UTRN: variants seen among roughly 807,000 people sequenced by gnomAD.
UTRN encodes utrophin.
A neutral mutation model predicts 463.9 loss-of-function variants in UTRN; 283 were observed. The ratio of observed to expected loss-of-function variants is 0.61; its 90% CI spans 0.55 to 0.67. The LOEUF (loss-of-function observed/expected upper bound fraction) is 0.67. UTRN is among the 30% of genes least tolerant of loss of function. The pLI, the probability that UTRN is intolerant of heterozygous loss-of-function variation, is 0.00. For missense variants in UTRN, 3,922 were observed against 4,084.3 expected (o/e 0.96, Z 1.08); for synonymous variants, 1,442 against 1,431.5 (o/e 1.01, Z -0.17).
intron 6 of UTRN, 82 bp downstream of exon 6, chr6:144,424,160 A>G: frequency 7.0e-7 from 1 of 1,420,436 alleles, no homozygotes; most frequent in Non-Finnish European, 9.9e-7. Flanking sequence ...GCCGTAACCA[A>G]GTACCACAAG....
intron 51 of UTRN, among the ~76,000 whole-genome samples, chr6:144,629,470 A>C (rs1467989361): frequency 2.6e-5 from 4 of 152,244 alleles, no homozygotes; most frequent in Admixed American, 2.0e-4. Context: ...AACAATCACT[A>C]TTCCAAGTTA....
At chr6:144,464,194 G>C (rs532348830) in intron 23 of UTRN, among the ~76,000 whole-genome samples, 2 of 152,160 alleles carry the variant, frequency 1.3e-5, no homozygotes, top group Admixed American at 1.3e-4. Context: ...CAGAGAACAC[G>C]TGGTAGAAGA....
chr6:144,672,985 G>T (rs1231352474), intron 51 of UTRN, among the ~76,000 whole-genome samples: 1 of 151,996 alleles, frequency 6.6e-6, no homozygotes, highest in African/African-American at 2.4e-5. Context: ...ACTTTTGAAG[G>T]TTCCTTTTGG....
chr6:144,731,697 TAC>T (rs139859447), intron 54 of UTRN, among the ~76,000 whole-genome samples: 48 of 151,844 alleles, frequency 3.2e-4, no homozygotes, highest in Middle Eastern at 3.4e-3. Context: ...TACACACATG[TAC>T]ACACACACAC....
chr6:144,842,820 AC>A (rs1364842086), intron 73 of UTRN, among the ~76,000 whole-genome samples: 18 of 127,628 alleles, frequency 1.4e-4, no homozygotes, highest in Non-Finnish European at 2.3e-4. Context: ...CCACCTCCCC[AC>A]CCCCCAAAGC....
At chr6:144,532,942 G>A in intron 42 of UTRN, 143 bp from the exon 43 acceptor site, 2 of 490,098 alleles carry the variant, frequency 4.1e-6, no homozygotes, top group Non-Finnish European at 3.6e-6. Flanking sequence ...GTTTTAAAAT[G>A]CCTTTTTTTT....
At chr6:144,486,211 G>T (rs546786051) in intron 28 of UTRN, among the ~76,000 whole-genome samples, 1 of 152,322 alleles carries the variant, frequency 6.6e-6, no homozygotes, top group African/African-American at 2.4e-5. Flanking sequence ...TGGATTAAAG[G>T]TCAGAAATGA....
At chr6:144,498,810 A>G (rs973787827) in intron 33 of UTRN, among the ~76,000 whole-genome samples, 4 of 152,102 alleles carry the variant, frequency 2.6e-5, no homozygotes, top group Non-Finnish European at 4.4e-5. Context: ...ACGCACCACC[A>G]TACTGGCTAA....
intron 2 of UTRN, among the ~76,000 whole-genome samples, chr6:144,345,534 G>T (rs1405720883): frequency 6.6e-6 from 1 of 152,126 alleles, no homozygotes; most frequent in Non-Finnish European, 1.5e-5. Flanking sequence ...AATCAGCCAG[G>T]CATGGTGGCA....
rs149850855 is a variant in UTRN, at chr6:144,506,107, T to G, written c.4765-4837T>G. ...ATTTTTTTTTTTTTTGCTTTCCATT[T>G]GTTTGGTAAATATTCCTCTATCCCT... On this transcript the variant is annotated intron_variant, in intron 34 of 74. Transcript: ENST00000367545. Among the ~76,000 whole-genome samples, 370 of 152,136 alleles carry G rather than the reference T, an allele frequency of 2.4e-3. 12 individuals are homozygous for G. The East Asian group carries it at 0.058, about 24-fold the overall frequency.
chr6:144,322,950 A>G (rs1292570158), intron 2 of UTRN, among the ~76,000 whole-genome samples: 6 of 152,036 alleles, frequency 3.9e-5, no homozygotes, highest in African/African-American at 1.4e-4. Flanking sequence ...CTCAAAAAAA[A>G]AAAAAAAAAT....
intron 74 of UTRN, among the ~76,000 whole-genome samples, chr6:144,848,768 G>A (rs73596396): frequency 0.09 from 13,622 of 152,172 alleles, 692 homozygotes; most frequent in South Asian, 0.15. Context: ...ATCTCCATGG[G>A]TGTTGAAATC....
At chr6:144,305,291 A>T (rs1805622343) in intron 2 of UTRN, among the ~76,000 whole-genome samples, 2 of 152,220 alleles carry the variant, frequency 1.3e-5, no homozygotes, top group Admixed American at 6.5e-5. Context: ...AAGCTCATAT[A>T]CCTGCAGAAA....
intron 50 of UTRN, among the ~76,000 whole-genome samples, chr6:144,565,260 A>G (rs769473666): frequency 6.6e-6 from 1 of 152,182 alleles, no homozygotes; most frequent in Non-Finnish European, 1.5e-5. Flanking sequence ...GAGTTTTGGA[A>G]GAACAAAAAT....
chr6:144,573,848 A>G (rs1018320166), intron 50 of UTRN, among the ~76,000 whole-genome samples: 7 of 152,236 alleles, frequency 4.6e-5, no homozygotes, highest in Non-Finnish European at 7.3e-5. Context: ...CGAAAACTAT[A>G]TAATGTAGTT....
intron 51 of UTRN, among the ~76,000 whole-genome samples, chr6:144,612,320 A>C (rs570575237): frequency 1.3e-5 from 2 of 152,060 alleles, no homozygotes; most frequent in African/African-American, 4.8e-5. Context: ...TAAGGCAATG[A>C]TTTTTTTAAT....
intron 2 of UTRN, among the ~76,000 whole-genome samples, chr6:144,357,313 A>G (rs1450335269): frequency 6.6e-6 from 1 of 152,216 alleles, no homozygotes; most frequent in African/African-American, 2.4e-5. Flanking sequence ...GATCCCTGTT[A>G]TTTGTTAAGT....
intron 27 of UTRN, among the ~76,000 whole-genome samples, chr6:144,484,113 A>T (rs948601637): frequency 1.3e-5 from 2 of 152,174 alleles, no homozygotes; most frequent in Admixed American, 1.3e-4. Context: ...CTCTTATAAT[A>T]AGGGATTATA....
At chr6:144,522,793 A>T (rs1231694890) in intron 40 of UTRN, among the ~76,000 whole-genome samples, 2 of 152,068 alleles carry the variant, frequency 1.3e-5, no homozygotes, top group Non-Finnish European at 2.9e-5. Context: ...TATTGTGAGG[A>T]CTTTTTTTCC....
Sources: allele counts gnomAD v4.1 joint callset (sites outside exome capture counted in the v4.1 genomes callset), GRCh38; gene constraint gnomAD v4.1.1; transcripts MANE v1.5; gene names NCBI Gene and HGNC (gene_info 2026-07-23, HGNC 2026-07-21).